The following DPYSL3 variants were observed in gnomAD, a reference collection of about 807,000 sequenced individuals.
DPYSL3 encodes dihydropyrimidinase like 3.
Under a neutral mutation model 66.1 loss-of-function variants are expected in DPYSL3, and 16 were observed. The observed-to-expected ratio is 0.24, with a 90% CI of 0.16 to 0.37. The LOEUF (loss-of-function observed/expected upper bound fraction) is 0.37, where lower values mean the gene tolerates loss of function less well. Among genes scored for constraint, DPYSL3 ranks in the 10% least tolerant of loss-of-function variants. DPYSL3 has a pLI of 1.00. For missense variants in DPYSL3, 738 were observed against 916.2 expected (o/e 0.81, Z 2.51); for synonymous variants, 338 against 345.1 (o/e 0.98, Z 0.23).
chr5:147,417,301 C>T (rs576971307), intron 3 of DPYSL3, among the ~76,000 whole-genome samples: 44 of 152,270 alleles, frequency 2.9e-4, no homozygotes, highest in South Asian at 1.2e-3. Flanking sequence ...GTGCACTTAT[C>T]GGAAAGCAAA....
At chr5:147,459,975 T>A (rs1010281964) in intron 1 of DPYSL3, among the ~76,000 whole-genome samples, 1 of 151,308 alleles carries the variant, frequency 6.6e-6, no homozygotes, top group East Asian at 1.9e-4. Context: ...CCAGGTGTGG[T>A]GGTGGGCGCC....
chr5:147,479,424 A>G (rs1006387675), intron 1 of DPYSL3, among the ~76,000 whole-genome samples: 28 of 152,208 alleles, frequency 1.8e-4, no homozygotes, highest in Non-Finnish European at 3.4e-4. Context: ...ACAACTGTTT[A>G]GGAGCGCAAG....
At chr5:147,413,932 G>C (rs1751911105) in intron 4 of DPYSL3, among the ~76,000 whole-genome samples, 2 of 152,068 alleles carry the variant, frequency 1.3e-5, no homozygotes, top group East Asian at 3.8e-4. Flanking sequence ...TAGCCCAGAA[G>C]GTCAATAAAC....
At chr5:147,457,974 G>C (rs1752876853) in intron 1 of DPYSL3, among the ~76,000 whole-genome samples, 1 of 152,124 alleles carries the variant, frequency 6.6e-6, no homozygotes, top group African/African-American at 2.4e-5. Context: ...AGACCATCTA[G>C]GAAAGAAGGT....
chr5:147,421,699 A>G (rs1561781611), intron 2 of DPYSL3, among the ~76,000 whole-genome samples: 1 of 152,212 alleles, frequency 6.6e-6, no homozygotes, highest in Non-Finnish European at 1.5e-5. Context: ...CCACAGAAAT[A>G]ACACCACACA....
At chr5:147,410,239 A>G (rs1170716868) in intron 6 of DPYSL3, among the ~76,000 whole-genome samples, 1 of 152,184 alleles carries the variant, frequency 6.6e-6, no homozygotes, top group Non-Finnish European at 1.5e-5. Context: ...TGCACAGGAC[A>G]AAGCTAAGCT....
intron 1 of DPYSL3, among the ~76,000 whole-genome samples, chr5:147,443,263 T>A (rs4705172): frequency 0.61 from 92,527 of 152,076 alleles, 28,629 homozygotes; most frequent in African/African-American, 0.72. Flanking sequence ...GGATAAAGAA[T>A]ATGTGGTACA....
At position 147,509,018 on chromosome 5, in the gene DPYSL3, C is replaced by A. The variant is rs1561809681; in HGVS notation, c.381+460G>T. On this transcript the variant is annotated intron_variant, in intron 1 of 13. Coordinates refer to ENST00000343218, the MANE Select transcript of DPYSL3 (RefSeq NM_001197294.2). The surrounding 1 kb of genome is among the most constrained non-coding windows in gnomAD (Gnocchi z 5.3). ...CGCCCCTCCAGTACTTTCATCCGGG[C>A]ACTATGGAGATGACCCCCATATTCC... 6.6e-6 allele frequency among the ~76,000 whole-genome samples: 1 copy of A among 152,164 alleles called. No homozygotes were observed. Among genetic ancestry groups the A allele is most frequent in the Non-Finnish European group, 1.5e-5 (1 of 68,036 alleles).
intron 1 of DPYSL3, among the ~76,000 whole-genome samples, chr5:147,439,804 A>T (rs1752497605): frequency 2.0e-5 from 3 of 152,326 alleles, no homozygotes; most frequent in African/African-American, 7.2e-5. Flanking sequence ...GCTAATATAC[A>T]GTTAGCTGGG....
At chr5:147,476,337 A>T (rs1293900914) in intron 1 of DPYSL3, among the ~76,000 whole-genome samples, 1 of 152,164 alleles carries the variant, frequency 6.6e-6, no homozygotes, top group African/African-American at 2.4e-5. Context: ...AATTTTTATG[A>T]CTGTAAAATA....
intron 13 of DPYSL3, among the ~76,000 whole-genome samples, chr5:147,394,610 T>C (rs1757914975): frequency 6.9e-6 from 1 of 145,964 alleles, no homozygotes; most frequent in Non-Finnish European, 1.5e-5. Context: ...GAAATTTCAA[T>C]GTGTGCTTGG....
chr5:147,415,576 T>A, intron 4 of DPYSL3, 133 bp downstream of exon 4: 2 of 1,033,470 alleles, frequency 1.9e-6, no homozygotes, highest in Middle Eastern at 3.2e-4. Flanking sequence ...CATTGTGTTA[T>A]CCCTACATCC....
At chr5:147,502,995 T>A (rs1210210092) in intron 1 of DPYSL3, among the ~76,000 whole-genome samples, 1 of 152,092 alleles carries the variant, frequency 6.6e-6, no homozygotes, top group Non-Finnish European at 1.5e-5. Flanking sequence ...TTGTAAAGAG[T>A]GCTGAGCACT....
intron 1 of DPYSL3, among the ~76,000 whole-genome samples, chr5:147,426,931 C>T (rs115385901): frequency 0.014 from 2,138 of 152,256 alleles, 27 homozygotes; most frequent in Non-Finnish European, 0.021. Flanking sequence ...GGAAGATATG[C>T]CTATGAGGTC....
chr5:147,501,850 G>A (rs1753617025), intron 1 of DPYSL3, among the ~76,000 whole-genome samples: 1 of 152,104 alleles, frequency 6.6e-6, no homozygotes, highest in Non-Finnish European at 1.5e-5. Context: ...GCCAGTGAAG[G>A]AGGCTGTGTG....
At chr5:147,508,712 G>A (rs564808580) in intron 1 of DPYSL3, among the ~76,000 whole-genome samples, 16 of 152,300 alleles carry the variant, frequency 1.1e-4, no homozygotes, top group African/African-American at 2.9e-4. Context: ...ACATTTAAGA[G>A]CAGCAGGGAA....
intron 1 of DPYSL3, among the ~76,000 whole-genome samples, chr5:147,461,721 G>C (rs911805612): frequency 2.0e-5 from 3 of 152,182 alleles, no homozygotes; most frequent in African/African-American, 7.2e-5. Flanking sequence ...GAGACATGTA[G>C]AGGCCAGGTA....
At chr5:147,443,551 T>C in intron 1 of DPYSL3, among the ~76,000 whole-genome samples, 1 of 150,710 alleles carries the variant, frequency 6.6e-6, no homozygotes, top group Admixed American at 6.6e-5. Context: ...ACGGCACATG[T>C]ATACCTATGT....
intron 1 of DPYSL3, among the ~76,000 whole-genome samples, chr5:147,502,431 C>G (rs1192414514): frequency 6.6e-6 from 1 of 151,730 alleles, no homozygotes; most frequent in African/African-American, 2.4e-5. Flanking sequence ...AAAATACACT[C>G]CTAGGTTAAT....
Sources: gnomAD v4.1 joint callset for allele counts (sites outside exome capture counted in the v4.1 genomes callset) on GRCh38, gnomAD v4.1.1 for gene constraint, Gnocchi (gnomAD v3.1) non-coding constraint, MANE v1.5 for transcripts, NCBI Gene and HGNC (gene_info 2026-07-23, HGNC 2026-07-21) for gene names.